Variants in ATG7 observed in about 807,000 individuals in gnomAD.
ATG7 encodes the protein autophagy related 7, also known as ubiquitin-like modifier-activating enzyme ATG7.
A neutral mutation model predicts 82.4 loss-of-function variants in ATG7; 70 were observed. That is an observed-to-expected ratio of 0.85 (90% CI 0.70 to 1.04). The LOEUF is 1.04. Ranked by LOEUF, ATG7 falls within the 50% of genes least tolerant of loss-of-function variation. The probability of loss-of-function intolerance (pLI) is 0.00; values close to 1 mark genes in which losing one functional copy is unlikely to be tolerated. For missense variants in ATG7, 792 were observed against 864.3 expected (o/e 0.92, Z 1.05); for synonymous variants, 287 against 313.0 (o/e 0.92, Z 0.88).
chr3:11,421,442 T>A (rs1383865068), intron 19 of ATG7, among the ~76,000 whole-genome samples: 1 of 152,182 alleles, frequency 6.6e-6, no homozygotes, highest in Non-Finnish European at 1.5e-5. Flanking sequence ...TAGAAACCAC[T>A]CTCTTTGCTT....
At chr3:11,481,762 T>C (rs1011014850) in intron 20 of ATG7, among the ~76,000 whole-genome samples, 1 of 152,192 alleles carries the variant, frequency 6.6e-6, no homozygotes, top group Non-Finnish European at 1.5e-5. Context: ...CCCTGAGCTT[T>C]AGGCTCTGGT....
At chr3:11,324,940 T>C (rs1209400001) in intron 9 of ATG7, among the ~76,000 whole-genome samples, 1 of 152,210 alleles carries the variant, frequency 6.6e-6, no homozygotes, top group Admixed American at 6.5e-5. Flanking sequence ...CAGTCAACAA[T>C]GGACCACATA....
At chr3:11,371,367 G>T (rs192893414) in intron 18 of ATG7, among the ~76,000 whole-genome samples, 1 of 151,136 alleles carries the variant, frequency 6.6e-6, no homozygotes, top group Admixed American at 6.6e-5. Context: ...GAGTAAAGGG[G>T]CACAGCGGAG....
chr3:11,472,473 T>C (rs1328430335), intron 20 of ATG7, among the ~76,000 whole-genome samples: 1 of 152,178 alleles, frequency 6.6e-6, no homozygotes, highest in Non-Finnish European at 1.5e-5. Context: ...GGATCTGGGA[T>C]ATATTCTTAT....
chr3:11,286,893 C>G (rs1363492346), intron 3 of ATG7, among the ~76,000 whole-genome samples: 1 of 138,222 alleles, frequency 7.2e-6, no homozygotes, highest in East Asian at 2.1e-4. Flanking sequence ...GTGTGAGCCA[C>G]CGCACCCAAC....
chr3:11,306,865 A>G, intron 5 of ATG7, 78 bp from the exon 6 acceptor site: 1 of 1,073,390 alleles, frequency 9.3e-7, no homozygotes, highest in Non-Finnish European at 1.4e-6. Flanking sequence ...TTTTTATCCC[A>G]CTACAGTGGT....
intron 9 of ATG7, among the ~76,000 whole-genome samples, chr3:11,325,703 A>G (rs1277182413): frequency 6.6e-6 from 1 of 152,068 alleles, no homozygotes; most frequent in East Asian, 1.9e-4. Context: ...CCTATAGATG[A>G]GAAAATTAAG....
At chr3:11,301,427 TTAAAA>T (rs1413339849) in intron 5 of ATG7, among the ~76,000 whole-genome samples, 1 of 152,224 alleles carries the variant, frequency 6.6e-6, no homozygotes, top group African/African-American at 2.4e-5. Context: ...ATTAGGATAT[TTAAAA>T]TAAAGTGTCC....
chr3:11,327,908 G>A (rs1263887973), intron 9 of ATG7, among the ~76,000 whole-genome samples: 1 of 152,238 alleles, frequency 6.6e-6, no homozygotes, highest in African/African-American at 2.4e-5. Flanking sequence ...GGCTCCCAGG[G>A]AAGGCTGATG....
intron 20 of ATG7, among the ~76,000 whole-genome samples, chr3:11,508,274 A>G (rs2091855162): frequency 6.6e-6 from 1 of 151,728 alleles, no homozygotes; most frequent in African/African-American, 2.4e-5. Context: ...TCCCTGAGCC[A>G]CGTTGGAAGA....
In ATG7 at chr3:11,421,975, A is replaced by C. The variant is rs1248973886; in HGVS notation, c.1957-4829A>C. On this transcript the variant is annotated intron_variant, in intron 19 of 20. Coordinates refer to ENST00000693202, the MANE Select transcript of ATG7 (RefSeq NM_001349232.2). ...TTTTTTCTGAGCAGTAGGTCTCAAC[A>C]GTGGGCTTAAGATATTCAGTAAACT... Among the ~76,000 whole-genome samples the C allele has an allele frequency of 2.4e-4, 37 of 152,352 alleles. 1 individual carries two copies. The highest frequency in any genetic ancestry group is 2.9e-5 in the Non-Finnish European group (2 of 68,036).
At chr3:11,537,051 T>C (rs1479884689) in intron 20 of ATG7, among the ~76,000 whole-genome samples, 2 of 152,130 alleles carry the variant, frequency 1.3e-5, no homozygotes, top group Non-Finnish European at 1.5e-5. Flanking sequence ...GACCCTCTGA[T>C]GGCAGACCTC....
At chr3:11,477,006 T>A in intron 20 of ATG7, 1 of 1,010,770 alleles carries the variant, frequency 9.9e-7, no homozygotes, top group South Asian at 1.4e-5. Context: ...TATTACAGTG[T>A]TTTCCGATGG....
At chr3:11,297,309 G>C (rs1231647392) in intron 3 of ATG7, among the ~76,000 whole-genome samples, 2 of 152,194 alleles carry the variant, frequency 1.3e-5, no homozygotes. Flanking sequence ...AGTGAGCTGA[G>C]ATTGTGCCAC....
At chr3:11,459,841 C>T (rs2086133467) in intron 20 of ATG7, among the ~76,000 whole-genome samples, 1 of 152,130 alleles carries the variant, frequency 6.6e-6, no homozygotes, top group Non-Finnish European at 1.5e-5. Flanking sequence ...TTAGCCAGGC[C>T]ACGTATAGTA....
At chr3:11,400,707 A>G (rs980502955) in intron 19 of ATG7, among the ~76,000 whole-genome samples, 1 of 152,124 alleles carries the variant, frequency 6.6e-6, no homozygotes, top group Admixed American at 6.5e-5. Flanking sequence ...CAGATTGGAG[A>G]GAGAGAATAA....
At chr3:11,523,080 G>A (rs1559795868) in intron 20 of ATG7, among the ~76,000 whole-genome samples, 2 of 152,134 alleles carry the variant, frequency 1.3e-5, no homozygotes, top group South Asian at 2.1e-4. Flanking sequence ...ACATAATTTT[G>A]TGTCCTGTAG....
intron 9 of ATG7, among the ~76,000 whole-genome samples, chr3:11,318,805 G>C (rs555380455): frequency 6.6e-6 from 1 of 152,068 alleles, no homozygotes; most frequent in South Asian, 2.1e-4. Flanking sequence ...TCTGCCTGCA[G>C]ACATCTCTCT....
At chr3:11,383,061 C>A (rs1296882480) in intron 19 of ATG7, among the ~76,000 whole-genome samples, 2 of 152,148 alleles carry the variant, frequency 1.3e-5, no homozygotes, top group African/African-American at 4.8e-5. Context: ...AACACAATAT[C>A]CTTATCAAAT....
Sources: gnomAD v4.1 joint callset for allele counts (sites outside exome capture counted in the v4.1 genomes callset) on GRCh38, gnomAD v4.1.1 for gene constraint, MANE v1.5 for transcripts, NCBI Gene and HGNC (gene_info 2026-07-23, HGNC 2026-07-21) for gene names.